The following CSRP1 variants were observed in gnomAD, a reference collection of about 807,000 sequenced individuals.
CSRP1 encodes the protein cysteine and glycine-rich protein 1.
Under a neutral mutation model 25.4 loss-of-function variants are expected in CSRP1, and 16 were observed. The ratio of observed to expected loss-of-function variants is 0.63; its 90% CI spans 0.43 to 0.96. The LOEUF is 0.96. Ranked by LOEUF, CSRP1 falls within the 40% of genes least tolerant of loss-of-function variation. The pLI is 0.00. For synonymous variants in CSRP1, 97 were observed against 95.3 expected, an observed-to-expected ratio of 1.02 and a Z score of -0.10; for missense variants, 212 against 243.6, an observed-to-expected ratio of 0.87 and a Z score of 0.86.
intron 4 of CSRP1, chr1:201,486,646 A>C: frequency 1.9e-6 from 2 of 1,038,292 alleles, no homozygotes; most frequent in Non-Finnish European, 2.3e-6. Flanking sequence ...TCACACCTAG[A>C]CCAACACCTC....
intron 2 of CSRP1, chr1:201,492,419 T>G (rs543969798): frequency 1.7e-4 from 26 of 152,314 alleles, no homozygotes; most frequent in African/African-American, 6.0e-4. Context: ...CCAGGTGATA[T>G]ACTGAGAGAC....
intron 1 of CSRP1, among the ~76,000 whole-genome samples, chr1:201,497,712 C>T (rs980894737): frequency 2.0e-5 from 3 of 151,982 alleles, no homozygotes; most frequent in Non-Finnish European, 2.9e-5. Flanking sequence ...ATTTCTGTAT[C>T]TGTTAAATAA....
chr1:201,500,901 C>T (rs768725718), intron 1 of CSRP1, among the ~76,000 whole-genome samples: 6 of 152,208 alleles, frequency 3.9e-5, no homozygotes, highest in African/African-American at 1.4e-4. Flanking sequence ...CCCAGCTCTC[C>T]GGCACAGAGG....
rs1558305180 is a variant in CSRP1 at position 201,484,277 on chromosome 1, C to T, written c.*436G>A. The T allele has an allele frequency of 3.9e-6, 2 of 509,330 alleles. No individual in the cohort carries two copies. The highest frequency in any genetic ancestry group is 1.9e-5 in the African/African-American group (1 of 53,060). The allele number at this position is 509,330 out of a possible 1,614,324, so 31.6% of individuals were successfully genotyped here. ...CCCACAGAGGAGAATCTCTGAGATC[C>T]AAAAAACCCAGCCTTCCCCCCTCCT... On this transcript the variant is annotated 3_prime_UTR_variant, in exon 6 of 6. Transcript: ENST00000340006.
At chr1:201,488,025 CTTG>C (rs992810417) in intron 4 of CSRP1, 2 of 152,214 alleles carry the variant, frequency 1.3e-5, no homozygotes, top group African/African-American at 2.4e-5. Context: ...ATTCCATAAC[CTTG>C]TTGTGTGATC....
intron 2 of CSRP1, chr1:201,495,642 G>A (rs1664486128): frequency 6.6e-6 from 1 of 152,288 alleles, no homozygotes; most frequent in South Asian, 2.1e-4. Context: ...AGCAAACCTT[G>A]CTCTGGCTTC....
chr1:201,498,958 C>T (rs1016238504), intron 1 of CSRP1, among the ~76,000 whole-genome samples: 12 of 152,146 alleles, frequency 7.9e-5, no homozygotes, highest in Non-Finnish European at 1.2e-4. Context: ...CTGGAGCAGC[C>T]GCACTTCCTC....
chr1:201,485,598 A>G (rs1664110044), intron 4 of CSRP1: 3 of 550,062 alleles, frequency 5.5e-6, no homozygotes, highest in Non-Finnish European at 3.3e-6. Context: ...CTATGTTGCA[A>G]TGGCCTGATG....
rs1664298937 is a variant in CSRP1, at chr1:201,490,348, T to TGGAGGG, written c.113-10_113-5dup. On this transcript the variant is annotated splice_polypyrimidine_tract_variant and splice_region_variant and intron_variant, in intron 2 of 5. Coordinates refer to ENST00000340006, the MANE Select transcript of CSRP1 (RefSeq NM_004078.3). ...TCCAGATTCTTCTTGCAGACCACTG[T>TGGAGGG]GGAGGGGAAGGGGAAGCGGACGCAT... is the stretch of plus-strand genomic sequence containing the variant. 1 of 1,612,992 alleles carries TGGAGGG rather than the reference T, an allele frequency of 6.2e-7. No homozygotes were observed. The highest frequency in any genetic ancestry group is 8.5e-7 in the Non-Finnish European group (1 of 1,179,228).
intron 3 of CSRP1, 149 bp downstream of exon 3, chr1:201,490,027 A>G: frequency 1.3e-6 from 1 of 761,274 alleles, no homozygotes; most frequent in East Asian, 2.7e-5. Context: ...AGCCTGACAC[A>G]TAGACACTGC....
intron 4 of CSRP1, chr1:201,488,568 C>G (rs1664225142): frequency 4.3e-6 from 1 of 230,172 alleles, no homozygotes; most frequent in Non-Finnish European, 8.6e-6. Context: ...ATCCACGTAC[C>G]CTTACTTTCT....
At chr1:201,497,290 C>T (rs1039801343) in intron 1 of CSRP1, among the ~76,000 whole-genome samples, 1 of 125,618 alleles carries the variant, frequency 8.0e-6, no homozygotes, top group Non-Finnish European at 1.6e-5. Flanking sequence ...ACTTGGGAGG[C>T]GGAGGTAGCA....
rs1664229515 is a variant in CSRP1, at chr1:201,488,747, T to C, written c.411+108A>G. On this transcript the variant is annotated intron_variant, in intron 4 of 5. Coordinates refer to ENST00000340006, the MANE Select transcript of CSRP1 (RefSeq NM_004078.3). Reference sequence around the variant, plus strand: ...ACAAAGAGAAGAGGTTAAACCCCAGTGCTCAGGCTGCCCTGAGCAGAGCTA... The same window carrying C: ...ACAAAGAGAAGAGGTTAAACCCCAGCGCTCAGGCTGCCCTGAGCAGAGCTA... 2.2e-6 allele frequency: 3 copies of C among 1,357,896 alleles called. No homozygotes were observed. The South Asian group carries it at 4.0e-5, about 18-fold the overall frequency. The allele number at this position is 1,357,896 out of a possible 1,614,324, so 84.1% of individuals were successfully genotyped here. A position where few individuals can be genotyped will look rare whatever the true frequency, so the allele number is the denominator to read the frequency against.
chr1:201,496,574 G>A (rs192359347), intron 1 of CSRP1: 37 of 486,318 alleles, frequency 7.6e-5, no homozygotes, highest in Non-Finnish European at 6.7e-5. Flanking sequence ...TCTAAAGGAT[G>A]TGGATCAGCA....
chr1:201,492,797 G>C (rs1476102214), intron 2 of CSRP1: 1 of 152,302 alleles, frequency 6.6e-6, no homozygotes, highest in Non-Finnish European at 1.5e-5. Context: ...CAGACCTGGT[G>C]GTTTTCTGCC....
At chr1:201,485,459 C>G in intron 4 of CSRP1, 83 bp from the exon 5 acceptor site, 2 of 1,276,912 alleles carry the variant, frequency 1.6e-6, no homozygotes, top group Non-Finnish European at 2.3e-6. Flanking sequence ...TTGACATAAC[C>G]ATGGTATAAG....
At position 201,484,162 on chromosome 1, in the gene CSRP1, G is replaced by A. The variant is rs918621990; in HGVS notation, c.*551C>T. 60 of 608,212 alleles carry A rather than the reference G, an allele frequency of 9.9e-5. 2 individuals carry two copies. Among genetic ancestry groups the A allele is most frequent in the South Asian group, 8.5e-4 (45 of 53,112 alleles). 37.7% of individuals were successfully genotyped at this position (608,212 alleles called of 1,614,324 possible). A position where few individuals can be genotyped will look rare whatever the true frequency, so the allele number is the denominator to read the frequency against. ...GAGAAGCAGGGGCTCCTAGGACCCT[G>A]CCTGCATGCCTCTCTGCCTCCAATA... On this transcript the variant is annotated 3_prime_UTR_variant, in exon 6 of 6. Transcript: ENST00000340006.
At chr1:201,506,629 C>T (rs1258684733) in intron 1 of CSRP1, 1 of 152,230 alleles carries the variant, frequency 6.6e-6, no homozygotes, top group Non-Finnish European at 1.5e-5. Context: ...CACACCTGCG[C>T]TCAGGGACAC....
Position 201,488,906 on chromosome 1 carries a change from G to A in CSRP1, c.360C>T (p.Pro120=), listed in dbSNP as rs1480265744. 5 of 1,614,126 alleles carry A rather than the reference G, an allele frequency of 3.1e-6. No individual in the cohort carries two copies. Among genetic ancestry groups the A allele is most frequent in the Admixed American group, 3.3e-5 (2 of 60,016 alleles). ...AQKIGGSERC[P]RCSQAVYAAE... ...CAGCATAGACTGCCTGGCTGCATCG[G>A]GGGCAGCGCTCGGAGCCACCAATCT... The change falls in exon 4 of 6, where the codon CCC becomes CCT. Residue 120 remains proline, a synonymous_variant. Transcript: ENST00000340006.
Sources: gnomAD v4.1 joint callset for allele counts (sites outside exome capture counted in the v4.1 genomes callset) on GRCh38, gnomAD v4.1.1 for gene constraint, MANE v1.5 for transcripts, NCBI Gene and HGNC (gene_info 2026-07-23, HGNC 2026-07-21) for gene names.